Variants in MEIS1 observed in about 807,000 individuals in gnomAD.
The protein encoded by MEIS1 is Meis homeobox 1.
MEIS1 carries 5 observed loss-of-function variants against 50.8 expected under a neutral mutation model. The ratio of observed to expected loss-of-function variants is 0.10; its 90% CI spans 0.05 to 0.21. MEIS1 has a LOEUF of 0.21. MEIS1 is among the 10% of genes least tolerant of loss of function. The probability of loss-of-function intolerance (pLI) is 1.00; values close to 1 mark genes in which losing one functional copy is unlikely to be tolerated. For synonymous variants in MEIS1, 176 were observed against 179.3 expected (o/e 0.98, Z 0.15); for missense variants, 318 against 517.3 (o/e 0.61, Z 3.74).
At chr2:66,526,064 A>C (rs1431152077) in intron 8 of MEIS1, among the ~76,000 whole-genome samples, 3 of 152,224 alleles carry the variant, frequency 2.0e-5, no homozygotes, top group Admixed American at 6.5e-5. Context: ...TGTGTACTTT[A>C]TCTGCCATGG....
chr2:66,551,272 G>A (rs990773812), intron 9 of MEIS1, among the ~76,000 whole-genome samples: 2 of 152,140 alleles, frequency 1.3e-5, no homozygotes, highest in African/African-American at 2.4e-5. Context: ...TACATTTCTC[G>A]AATTGACAGT....
At chr2:66,538,890 T>G (rs4671732) in intron 8 of MEIS1, among the ~76,000 whole-genome samples, 148,768 of 151,882 alleles carry the variant, frequency 0.98, 72,932 homozygotes, top group Middle Eastern at 1. Flanking sequence ...TTTTTTTTTT[T>G]TTTGTTTGTT....
At chr2:66,515,766 AC>A (rs2103860481) in intron 8 of MEIS1, among the ~76,000 whole-genome samples, 2 of 152,326 alleles carry the variant, frequency 1.3e-5, no homozygotes, top group Non-Finnish European at 2.9e-5. Context: ...GGAATGACTG[AC>A]ATGATTTAAA....
chr2:66,444,885 AC>A (rs994747585), intron 6 of MEIS1, among the ~76,000 whole-genome samples: 1 of 152,222 alleles, frequency 6.6e-6, no homozygotes, highest in African/African-American at 2.4e-5. Context: ...TGAAATCAAC[AC>A]TTTAATTGCC....
intron 9 of MEIS1, among the ~76,000 whole-genome samples, chr2:66,548,244 T>A (rs570960931): frequency 6.6e-6 from 1 of 152,364 alleles, no homozygotes; most frequent in African/African-American, 2.4e-5. Context: ...GACAATTTTA[T>A]GCATAGTATA....
intron 8 of MEIS1, among the ~76,000 whole-genome samples, chr2:66,544,495 A>G (rs1674740208): frequency 6.6e-6 from 1 of 152,192 alleles, no homozygotes; most frequent in Non-Finnish European, 1.5e-5. Flanking sequence ...ACTAAGGCCA[A>G]GAACTATGAG....
intron 9 of MEIS1, among the ~76,000 whole-genome samples, chr2:66,567,237 A>G (rs1462228789): frequency 1.3e-5 from 2 of 152,172 alleles, no homozygotes; most frequent in East Asian, 3.8e-4. Flanking sequence ...GCAAACATAA[A>G]TCAACTCAGA....
intron 9 of MEIS1, among the ~76,000 whole-genome samples, chr2:66,554,929 AT>A (rs1675017303): frequency 6.6e-6 from 1 of 152,220 alleles, no homozygotes; most frequent in African/African-American, 2.4e-5. Context: ...GTGTGCTGTC[AT>A]TTTAGGATTC....
intron 9 of MEIS1, among the ~76,000 whole-genome samples, chr2:66,553,994 T>C (rs796929166): frequency 2.0e-5 from 3 of 152,294 alleles, no homozygotes; most frequent in African/African-American, 7.2e-5. Context: ...AATATGGTTT[T>C]GTGTAACCAC....
chr2:66,463,739 C>G (rs1280506118), intron 6 of MEIS1, among the ~76,000 whole-genome samples: 1 of 152,170 alleles, frequency 6.6e-6, no homozygotes, highest in Non-Finnish European at 1.5e-5. Context: ...GACCACCACT[C>G]TCATTTTGCA....
chr2:66,560,466 T>A (rs899925532), intron 9 of MEIS1, among the ~76,000 whole-genome samples: 1 of 151,168 alleles, frequency 6.6e-6, no homozygotes, highest in Non-Finnish European at 1.5e-5. Context: ...TGGTGATGCA[T>A]AACTGTAGTC....
chr2:66,497,228 G>A (rs1053045541), intron 7 of MEIS1, among the ~76,000 whole-genome samples: 2 of 152,196 alleles, frequency 1.3e-5, no homozygotes, highest in Admixed American at 6.5e-5. Flanking sequence ...TGGTAGAATG[G>A]TTAGGAGTTT....
At chr2:66,516,714 A>C (rs533003435) in intron 8 of MEIS1, among the ~76,000 whole-genome samples, 1 of 152,238 alleles carries the variant, frequency 6.6e-6, no homozygotes. Flanking sequence ...GCGTTTCCAT[A>C]GTAACACTAT....
chr2:66,532,331 T>G (rs972956778), intron 8 of MEIS1, among the ~76,000 whole-genome samples: 1 of 152,238 alleles, frequency 6.6e-6, no homozygotes, highest in Non-Finnish European at 1.5e-5. Flanking sequence ...TCATTTATAA[T>G]AAATCTTTAG....
At chr2:66,538,524 G>A (rs569614028) in intron 8 of MEIS1, among the ~76,000 whole-genome samples, 2 of 152,284 alleles carry the variant, frequency 1.3e-5, no homozygotes, top group South Asian at 4.1e-4. Context: ...CTAGTTTTGT[G>A]TTTATCTGAA....
intron 6 of MEIS1, among the ~76,000 whole-genome samples, chr2:66,451,468 C>T (rs1290741230): frequency 6.6e-6 from 1 of 152,008 alleles, no homozygotes; most frequent in African/African-American, 2.4e-5. Flanking sequence ...CCAGAGTTTC[C>T]TTATCCCATC....
chr2:66,474,313 A>C (rs907768429), intron 7 of MEIS1, among the ~76,000 whole-genome samples: 2 of 152,096 alleles, frequency 1.3e-5, no homozygotes, highest in Admixed American at 6.6e-5. Context: ...TATAGGGCTG[A>C]GGTGAGACTG....
chr2:66,568,629 A>T (rs775599682), intron 10 of MEIS1, 38 bp from the exon 11 acceptor site: 2 of 1,506,472 alleles, frequency 1.3e-6, no homozygotes, highest in East Asian at 4.5e-5. Flanking sequence ...TTGCTCTCAG[A>T]GACTGTTATT....
chr2:66,479,825 C>T (rs1334237524), intron 7 of MEIS1, among the ~76,000 whole-genome samples: 2 of 152,104 alleles, frequency 1.3e-5, no homozygotes, highest in African/African-American at 4.8e-5. Flanking sequence ...GAAGGATTCC[C>T]CATTTCTTGG....
Sources: allele counts gnomAD v4.1 joint callset (sites outside exome capture counted in the v4.1 genomes callset), GRCh38; gene constraint gnomAD v4.1.1; transcripts MANE v1.5; gene names NCBI Gene and HGNC (gene_info 2026-07-23, HGNC 2026-07-21).